The following ANKS1B variants were observed in gnomAD, a reference collection of about 807,000 sequenced individuals.
The protein encoded by ANKS1B is ankyrin repeat and sterile alpha motif domain-containing protein 1B.
A neutral mutation model predicts 148.3 loss-of-function variants in ANKS1B; 36 were observed. The observed-to-expected ratio is 0.24, with a 90% CI of 0.19 to 0.32. ANKS1B has a LOEUF of 0.32. Ranked by LOEUF, ANKS1B falls within the 10% of genes least tolerant of loss-of-function variation. ANKS1B has a pLI of 1.00. For missense variants in ANKS1B, 1,157 were observed against 1,542.6 expected (o/e 0.75, Z 4.19); for synonymous variants, 542 against 560.8 (o/e 0.97, Z 0.47).
intron 14 of ANKS1B, among the ~76,000 whole-genome samples, chr12:99,193,616 G>A (rs779233674): frequency 2.6e-5 from 4 of 151,956 alleles, no homozygotes; most frequent in African/African-American, 9.7e-5. Flanking sequence ...TTGTAGGAGT[G>A]TCAGTTGTGA....
At chr12:99,063,139 TA>T (rs2042998686) in intron 16 of ANKS1B, among the ~76,000 whole-genome samples, 1 of 152,186 alleles carries the variant, frequency 6.6e-6, no homozygotes, top group African/African-American at 2.4e-5. Flanking sequence ...CTCAGCTACT[TA>T]AACTTGCCTA....
At chr12:98,924,365 T>C (rs1396405568) in intron 17 of ANKS1B, among the ~76,000 whole-genome samples, 1 of 152,236 alleles carries the variant, frequency 6.6e-6, no homozygotes, top group Non-Finnish European at 1.5e-5. Context: ...TAGTACAGGT[T>C]TTAAGAGTCT....
chr12:98,868,778 G>A (rs201370), intron 17 of ANKS1B, among the ~76,000 whole-genome samples: 65,438 of 151,952 alleles, frequency 0.43, 16,191 homozygotes, highest in East Asian at 0.81. Context: ...ATTACTATTT[G>A]TCCAGTCTCT....
intron 25 of ANKS1B, among the ~76,000 whole-genome samples, chr12:98,753,312 G>A (rs1363781425): frequency 2.0e-5 from 3 of 152,152 alleles, no homozygotes; most frequent in Admixed American, 2.0e-4. Flanking sequence ...GAGGCAGGGT[G>A]GCCACCACAC....
chr12:99,648,768 G>A, intron 9 of ANKS1B: 1 of 1,612,280 alleles, frequency 6.2e-7, no homozygotes, highest in Non-Finnish European at 8.5e-7. Flanking sequence ...CTGTGTTGGA[G>A]GAAGTGCAGA....
chr12:98,938,626 T>C (rs2099826478), intron 17 of ANKS1B, among the ~76,000 whole-genome samples: 1 of 152,248 alleles, frequency 6.6e-6, no homozygotes, highest in Non-Finnish European at 1.5e-5. Context: ...AAGGTTAAGA[T>C]GTGTCCTTGG....
intron 17 of ANKS1B, among the ~76,000 whole-genome samples, chr12:98,981,195 T>C (rs1002879887): frequency 6.6e-6 from 1 of 152,020 alleles, no homozygotes; most frequent in Non-Finnish European, 1.5e-5. Flanking sequence ...TGGTCCCAGC[T>C]ACTCAGGAGC....
intron 11 of ANKS1B, among the ~76,000 whole-genome samples, chr12:99,414,315 G>A (rs1382394467): frequency 7.2e-5 from 11 of 151,870 alleles, no homozygotes. Flanking sequence ...CATTTTGCTG[G>A]CCCCAGTAAA....
intron 17 of ANKS1B, among the ~76,000 whole-genome samples, chr12:98,992,053 G>A (rs1034341758): frequency 6.6e-6 from 1 of 152,196 alleles, no homozygotes; most frequent in Non-Finnish European, 1.5e-5. Flanking sequence ...TGGGGCAGGG[G>A]TAGGTTACAG....
chr12:99,894,738 A>G (rs1229530772), intron 1 of ANKS1B, among the ~76,000 whole-genome samples: 3 of 149,548 alleles, frequency 2.0e-5, no homozygotes, highest in Admixed American at 6.7e-5. Flanking sequence ...CTGTGATCCA[A>G]CAATTCATTA....
chr12:99,332,642 A>G (rs1007563336), intron 12 of ANKS1B, among the ~76,000 whole-genome samples: 4 of 151,866 alleles, frequency 2.6e-5, no homozygotes, highest in Admixed American at 6.6e-5. Context: ...GGTGGTGATC[A>G]AGGTTTTTAG....
intron 17 of ANKS1B, among the ~76,000 whole-genome samples, chr12:98,861,018 A>G (rs576633659): frequency 2.6e-5 from 4 of 152,326 alleles, no homozygotes; most frequent in African/African-American, 7.2e-5. Context: ...TTAAGTCACT[A>G]TAAAAAGATT....
intron 6 of ANKS1B, among the ~76,000 whole-genome samples, chr12:99,779,174 C>T (rs985990554): frequency 5.3e-5 from 8 of 152,170 alleles, no homozygotes; most frequent in African/African-American, 1.4e-4. Flanking sequence ...TAACAAAAGT[C>T]GTACCTAGAC....
At chr12:99,323,945 T>C (rs2152202407) in intron 12 of ANKS1B, among the ~76,000 whole-genome samples, 1 of 152,312 alleles carries the variant, frequency 6.6e-6, no homozygotes, top group African/African-American at 2.4e-5. Context: ...CTCATTTGTT[T>C]TTTGAGGGCG....
intron 1 of ANKS1B, among the ~76,000 whole-genome samples, chr12:99,836,472 A>G (rs1470940081): frequency 1.3e-5 from 2 of 152,184 alleles, no homozygotes; most frequent in African/African-American, 4.8e-5. Flanking sequence ...GAATTACTTG[A>G]TGCAATTCTC....
chr12:98,957,311 A>ATATTTATTTATTTATTTATT (rs71782750), intron 17 of ANKS1B, among the ~76,000 whole-genome samples: 1 of 143,874 alleles, frequency 7.0e-6, no homozygotes, highest in Non-Finnish European at 1.5e-5. Flanking sequence ...TTTTTTTTAA[A>ATATTTATTTATTTATTTATT]TATTTATTTA....
At chr12:98,758,615 G>A (rs1001166741) in intron 25 of ANKS1B, among the ~76,000 whole-genome samples, 3 of 152,092 alleles carry the variant, frequency 2.0e-5, no homozygotes, top group South Asian at 4.1e-4. Context: ...TAAAAGATAC[G>A]AGGCAACTCC....
At chr12:99,928,276 T>A (rs12580880) in intron 1 of ANKS1B, among the ~76,000 whole-genome samples, 26,725 of 113,698 alleles carry the variant, frequency 0.24, 4,043 homozygotes, top group East Asian at 0.89. Context: ...ATTTTATTTT[T>A]TTTTTTTTTT....
At chr12:99,460,845 AAAG>A (rs2095948300) in intron 10 of ANKS1B, among the ~76,000 whole-genome samples, 1 of 152,210 alleles carries the variant, frequency 6.6e-6, no homozygotes, top group South Asian at 2.1e-4. Context: ...GAGATTCCTC[AAAG>A]AAGTAAAAGT....
Sources: gnomAD v4.1 joint callset for allele counts (sites outside exome capture counted in the v4.1 genomes callset) on GRCh38, gnomAD v4.1.1 for gene constraint, MANE v1.5 for transcripts, NCBI Gene and HGNC (gene_info 2026-07-23, HGNC 2026-07-21) for gene names.